VAV2: variants seen among roughly 807,000 people sequenced by gnomAD.
VAV2 encodes the protein guanine nucleotide exchange factor VAV2.
Under a neutral mutation model 132.5 loss-of-function variants are expected in VAV2, and 67 were observed. The ratio of observed to expected loss-of-function variants is 0.51; its 90% confidence interval spans 0.42 to 0.62. The LOEUF (loss-of-function observed/expected upper bound fraction) is 0.62, where lower values mean the gene tolerates loss of function less well. Ranked by LOEUF, VAV2 falls within the 20% of genes least tolerant of loss-of-function variation. The pLI, the probability that VAV2 is intolerant of heterozygous loss-of-function variation, is 0.00. For synonymous variants in VAV2, 492 were observed against 443.5 expected (o/e 1.11, Z -1.37); for missense variants, 938 against 1,153.6 (o/e 0.81, Z 2.71).
intron 22 of VAV2, 103 bp from the exon 23 acceptor site, chr9:133,777,566 G>C: frequency 8.6e-7 from 1 of 1,162,666 alleles, no homozygotes; most frequent in Non-Finnish European, 1.2e-6. Context: ...CGCTCCTGGA[G>C]GGTGGGAGAG....
At chr9:133,825,302 C>T (rs1019783989) in intron 4 of VAV2, among the ~76,000 whole-genome samples, 2 of 152,120 alleles carry the variant, frequency 1.3e-5, no homozygotes, top group Non-Finnish European at 2.9e-5. Flanking sequence ...ACACGAGCCT[C>T]GGGCCACCAG....
chr9:133,766,591 G>A (rs565438531), intron 29 of VAV2, among the ~76,000 whole-genome samples: 36 of 151,872 alleles, frequency 2.4e-4, no homozygotes, highest in Non-Finnish European at 4.7e-4. Context: ...CTTGGACACA[G>A]GAAGGGGAAC....
chr9:133,928,751 C>T lies in VAV2; in HGVS notation c.321+10352G>A, dbSNP rs1840571469. 1.3e-5 allele frequency among the ~76,000 whole-genome samples: 2 copies of T among 152,194 alleles called. No individual in the cohort carries two copies. The highest frequency in any genetic ancestry group is 6.5e-5 in the Admixed American group (1 of 15,280). ...AGAGCCTGCGGGACACATTCATCAA[C>T]GCAGATGTAAAATGGAGAAATCAAT... On this transcript the variant is annotated intron_variant, in intron 2 of 29. Coordinates refer to ENST00000371850, the MANE Select transcript of VAV2 (RefSeq NM_001134398.2). The surrounding 1 kb of genome is among the most constrained non-coding windows in gnomAD (Gnocchi z 5.4).
intron 4 of VAV2, among the ~76,000 whole-genome samples, chr9:133,819,173 G>T (rs1042008849): frequency 6.7e-6 from 1 of 149,536 alleles, no homozygotes; most frequent in Non-Finnish European, 1.5e-5. Context: ...TTAAAAGTGA[G>T]CAACCTCACA....
chr9:133,897,399 C>A (rs3780752), intron 2 of VAV2, among the ~76,000 whole-genome samples: 1 of 151,994 alleles, frequency 6.6e-6, no homozygotes, highest in African/African-American at 2.4e-5. Flanking sequence ...GCTCTGCCCC[C>A]CTGTAACCCA....
intron 3 of VAV2, among the ~76,000 whole-genome samples, chr9:133,852,765 C>T (rs73554002): frequency 0.09 from 13,650 of 152,256 alleles, 1,661 homozygotes; most frequent in African/African-American, 0.28. Context: ...GTCTCCTTTA[C>T]ACCATCATCC....
intron 5 of VAV2, among the ~76,000 whole-genome samples, chr9:133,811,205 C>T (rs1345398488): frequency 6.6e-6 from 1 of 152,230 alleles, no homozygotes; most frequent in Non-Finnish European, 1.5e-5. Flanking sequence ...GCAGAGAAAC[C>T]TGCTCTTAAC....
rs558199588 is a variant in VAV2, at chr9:133,802,415, G to T, written c.836+3666C>A. ...CCCAGGGGCAGCCTCCCCCTCCCCC[G>T]CCCCACTCCGGCTGACTCCTCCCCT... On this transcript the variant is annotated intron_variant, in intron 9 of 29. Transcript: ENST00000371850. The surrounding 1 kb of genome is among the most constrained non-coding windows in gnomAD (Gnocchi z 5.8). Among the ~76,000 whole-genome samples, 3 of 68,386 alleles carry T rather than the reference G, an allele frequency of 4.4e-5. No individual in the cohort carries two copies. The highest frequency in any genetic ancestry group is 5.8e-4 in the East Asian group (1 of 1,712). The allele number at this position is 68,386 out of a possible 152,430, so 44.9% of individuals were successfully genotyped here.
intron 19 of VAV2, among the ~76,000 whole-genome samples, chr9:133,782,283 A>G (rs1342196433): frequency 6.6e-6 from 1 of 152,038 alleles, no homozygotes. Flanking sequence ...AATCAGAGAA[A>G]GCAAAAAAAG....
At chr9:133,789,111 A>G in intron 14 of VAV2, 147 bp downstream of exon 14, 1 of 850,752 alleles carries the variant, frequency 1.2e-6, no homozygotes, top group Non-Finnish European at 1.8e-6. Flanking sequence ...GAAGGAAGCA[A>G]TTAAAACTGA....
At chr9:133,981,082 T>G (rs1297359865) in intron 1 of VAV2, among the ~76,000 whole-genome samples, 5 of 152,144 alleles carry the variant, frequency 3.3e-5, no homozygotes. Context: ...CTTCGCCCAG[T>G]CAAACCCAGG....
At chr9:133,964,026 T>TGTACATATGTAC (rs71499169) in intron 1 of VAV2, among the ~76,000 whole-genome samples, 1 of 76,628 alleles carries the variant, frequency 1.3e-5, no homozygotes, top group Non-Finnish European at 2.7e-5. Flanking sequence ...TTCATTCATA[T>TGTACATATGTAC]ATATATATAT....
intron 12 of VAV2, among the ~76,000 whole-genome samples, chr9:133,795,084 C>A (rs1170020535): frequency 6.6e-6 from 1 of 152,200 alleles, no homozygotes; most frequent in Non-Finnish European, 1.5e-5. Context: ...GCTGCGACAT[C>A]AGGGGCAAGT....
chr9:133,920,284 C>G (rs1840250988), intron 2 of VAV2, among the ~76,000 whole-genome samples: 1 of 152,250 alleles, frequency 6.6e-6, no homozygotes, highest in Non-Finnish European at 1.5e-5. Context: ...CGAAGCAGCC[C>G]TGGCCCTCAC....
At chr9:133,855,327 C>T (rs1275064941) in intron 3 of VAV2, among the ~76,000 whole-genome samples, 3 of 152,244 alleles carry the variant, frequency 2.0e-5, no homozygotes, top group Non-Finnish European at 2.9e-5. Flanking sequence ...GCTGAGATGT[C>T]TCACATGAGA....
In VAV2 at chr9:133,885,113, A is replaced by T. The variant is rs1185114163; in HGVS notation, c.322-23681T>A. Among the ~76,000 whole-genome samples the T allele has an allele frequency of 6.6e-6, 1 of 152,268 alleles. No homozygotes were observed. The highest frequency in any genetic ancestry group is 1.5e-5 in the Non-Finnish European group (1 of 68,052). ...GAGGGTTCTCTCCAGAGGACTGGCA[A>T]GCACAGCCAATATTCATCAAAATGC... On this transcript the variant is annotated intron_variant, in intron 2 of 29. Coordinates refer to ENST00000371850, the MANE Select transcript of VAV2 (RefSeq NM_001134398.2). The surrounding 1 kb of genome is among the most constrained non-coding windows in gnomAD (Gnocchi z 5.0).
intron 2 of VAV2, among the ~76,000 whole-genome samples, chr9:133,874,325 G>A (rs1386536007): frequency 3.3e-5 from 5 of 152,284 alleles, no homozygotes; most frequent in Non-Finnish European, 5.9e-5. Context: ...GCCCCTCCTG[G>A]GCATCACTCA....
intron 3 of VAV2, among the ~76,000 whole-genome samples, chr9:133,856,486 C>T (rs537662993): frequency 3.3e-5 from 5 of 151,834 alleles, no homozygotes; most frequent in African/African-American, 9.7e-5. Flanking sequence ...CTGGTATGTG[C>T]CCCCCACTGG....
At chr9:133,822,710 G>T (rs771657743) in intron 4 of VAV2, among the ~76,000 whole-genome samples, 1 of 152,152 alleles carries the variant, frequency 6.6e-6, no homozygotes, top group Non-Finnish European at 1.5e-5. Flanking sequence ...CCCGTCCACC[G>T]GACTGTCCCT....
Sources: gnomAD v4.1 joint callset for allele counts (sites outside exome capture counted in the v4.1 genomes callset) on GRCh38, gnomAD v4.1.1 for gene constraint, Gnocchi (gnomAD v3.1) non-coding constraint, MANE v1.5 for transcripts, NCBI Gene and HGNC (gene_info 2026-07-23, HGNC 2026-07-21) for gene names.